FBXL18: variants seen among roughly 807,000 people sequenced by gnomAD.
The protein encoded by FBXL18 is F-box and leucine rich repeat protein 18, also known as F-box/LRR-repeat protein 18.
FBXL18 carries 36 observed loss-of-function variants against 46.0 expected under a neutral mutation model. The observed-to-expected ratio is 0.78, with a 90% CI of 0.60 to 1.03. The LOEUF is 1.03. Among genes scored for constraint, FBXL18 ranks in the 50% least tolerant of loss-of-function variants. FBXL18 has a pLI of 0.00. For missense variants in FBXL18, 977 were observed against 1,004.1 expected (o/e 0.97, Z 0.36); for synonymous variants, 557 against 465.3 (o/e 1.20, Z -2.54).
At chr7:5,497,390 G>A (rs1050427769) in intron 3 of FBXL18, among the ~76,000 whole-genome samples, 1 of 152,160 alleles carries the variant, frequency 6.6e-6, no homozygotes, top group Non-Finnish European at 1.5e-5. Context: ...GGCTCGAGCT[G>A]AGAATCAAAG....
At chr7:5,472,480 G>GCT, downstream of FBXL18, among the ~76,000 whole-genome samples, 1 of 152,128 alleles carries the variant, frequency 6.6e-6, no homozygotes, top group Non-Finnish European at 1.5e-5. Flanking sequence ...ACGCTGTGAG[G>GCT]AAGCCCAACT....
At chr7:5,463,728 A>ATTTTATTTTTTTTTTTT (rs1783295662) in intron 4 of FBXL18, among the ~76,000 whole-genome samples, 1 of 53,034 alleles carries the variant, frequency 1.9e-5, no homozygotes, top group African/African-American at 8.0e-5. Flanking sequence ...TTATTTATTT[A>ATTTTATTTTTTTTTTTT]TTTTTTTTTT....
Position 5,481,854 on chromosome 7 carries a change from T to C in FBXL18, c.2078A>G (p.Asp693Gly). Residue 693 changes from aspartate (D) to glycine (G), a missense_variant, in exon 5 of 5, where the codon GAC (aspartate) becomes GGC (glycine). Transcript: ENST00000382368. The part of the protein sequence containing the change: ...LHEGLTDVIR[D>G]VPLVHLDEIT... Reference sequence around the variant, plus strand: ...CTCATCCAGGTGCACCAGGGGGACGTCCCGGATGACGTCGGTCAGGCCCTC... The same window carrying C: ...CTCATCCAGGTGCACCAGGGGGACGCCCCGGATGACGTCGGTCAGGCCCTC... The C allele has an allele frequency of 1.2e-6, 2 of 1,613,826 alleles. No individual in the cohort carries two copies. Among genetic ancestry groups the C allele is most frequent in the Non-Finnish European group, 1.7e-6 (2 of 1,179,976 alleles).
At chr7:5,482,227 G>A (rs546243133) in intron 4 of FBXL18, among the ~76,000 whole-genome samples, 8 of 152,330 alleles carry the variant, frequency 5.3e-5, no homozygotes, top group East Asian at 3.9e-4. Context: ...GGCCAACCCT[G>A]CTCTGCAGAC....
rs1371561814 is a variant in FBXL18 at position 5,491,248 on chromosome 7, C to A, written c.1983G>T (p.Gln661His). 1.2e-6 allele frequency: 2 copies of A among 1,612,626 alleles called. No individual in the cohort carries two copies. The highest frequency in any genetic ancestry group is 1.7e-6 in the Non-Finnish European group (2 of 1,179,530). ...TCACTCACCTGCGGAGAAGCGACTGCTGCAGGCTCTTGCAGGTGGCGAGGG... is the reference window on the plus strand; with the variant it reads ...TCACTCACCTGCGGAGAAGCGACTGATGCAGGCTCTTGCAGGTGGCGAGGG... ...GESLATCKSL[Q>H]QSLLRSFQAE... is the part of the protein sequence containing the mutation. Residue 661 changes from glutamine (Q) to histidine (H), a missense_variant, in exon 4 of 5, where the codon CAG becomes CAT. Physicochemically the swap from Gln to His is conservative, Grantham distance 24. Transcript: ENST00000382368.
chr7:5,468,181 C>T (rs1189857947), intron 4 of FBXL18, among the ~76,000 whole-genome samples: 1 of 152,114 alleles, frequency 6.6e-6, no homozygotes, highest in Non-Finnish European at 1.5e-5. Context: ...GACGGGGTTT[C>T]ACCGTGTTAG....
chr7:5,455,389 G>A lies in FBXL18; in HGVS notation c.2001-7546C>T, dbSNP rs1783157136. 6.6e-6 allele frequency among the ~76,000 whole-genome samples: 1 copy of A among 152,062 alleles called. No individual in the cohort carries two copies. The highest frequency in any genetic ancestry group is 2.1e-4 in the South Asian group (1 of 4,830). Reference sequence around the variant, plus strand: ...ATACTTGGGGAGCACCCTCAGGGAAGTACTCTAGGGAGTACTCTTGGGGAG... The same window carrying A: ...ATACTTGGGGAGCACCCTCAGGGAAATACTCTAGGGAGTACTCTTGGGGAG... On this transcript the variant is annotated intron_variant and NMD_transcript_variant, in intron 4 of 6. Coordinates refer to the FBXL18 transcript ENST00000415009. This position sits in a 1 kb window ranked among gnomAD's most constrained non-coding sequence, Gnocchi z 4.6.
intron 4 of FBXL18, among the ~76,000 whole-genome samples, chr7:5,463,275 AT>A (rs2128231115): frequency 6.6e-6 from 1 of 151,784 alleles, no homozygotes; most frequent in Non-Finnish European, 1.5e-5. Context: ...TGACTTAGCA[AT>A]TTTACTTCTA....
intron 2 of FBXL18, among the ~76,000 whole-genome samples, chr7:5,502,849 C>T (rs1389120340): frequency 1.4e-5 from 2 of 140,184 alleles, no homozygotes; most frequent in Admixed American, 7.1e-5. Context: ...AAAAAAAAAA[C>T]GGTTTGGTGG....
intron 4 of FBXL18, among the ~76,000 whole-genome samples, chr7:5,463,376 T>C (rs995190962): frequency 6.6e-6 from 1 of 151,926 alleles, no homozygotes; most frequent in Non-Finnish European, 1.5e-5. Context: ...TTCCAGCGCC[T>C]TGGGAGGTCA....
At chr7:5,511,305 G>A (rs777260716) in intron 1 of FBXL18, among the ~76,000 whole-genome samples, 4 of 151,354 alleles carry the variant, frequency 2.6e-5, no homozygotes, top group African/African-American at 4.9e-5. Context: ...GGGGCCGGGC[G>A]CAGTGGCTCA....
At chr7:5,512,866 C>G (rs769433156) in intron 1 of FBXL18, among the ~76,000 whole-genome samples, 14 of 152,150 alleles carry the variant, frequency 9.2e-5, no homozygotes, top group Non-Finnish European at 1.8e-4. Flanking sequence ...TCCAGAGACC[C>G]TGCCCCATCA....
chr7:5,487,375 G>C (rs1473965482), intron 4 of FBXL18, among the ~76,000 whole-genome samples: 1 of 152,236 alleles, frequency 6.6e-6, no homozygotes, highest in Non-Finnish European at 1.5e-5. Context: ...AGCCCTGGGG[G>C]AATCCAGCTT....
At chr7:5,466,119 T>C (rs1180229395) in intron 4 of FBXL18, among the ~76,000 whole-genome samples, 1 of 148,856 alleles carries the variant, frequency 6.7e-6, no homozygotes, top group African/African-American at 2.5e-5. Context: ...CACCTGGCCC[T>C]CCTGAATCTA....
At chr7:5,511,990 C>T (rs1160539588) in intron 1 of FBXL18, among the ~76,000 whole-genome samples, 1 of 151,284 alleles carries the variant, frequency 6.6e-6, no homozygotes, top group Non-Finnish European at 1.5e-5. Context: ...AATCTCAGCA[C>T]TTTGGGAGGC....
chr7:5,501,609 G>GCC lies in FBXL18; in HGVS notation c.658_659dup (p.Gln221AlafsTer83), dbSNP rs1417786252. 1 of 1,613,810 alleles carries GCC rather than the reference G, an allele frequency of 6.2e-7. No individual in the cohort carries two copies. Among genetic ancestry groups the GCC allele is most frequent in the Non-Finnish European group, 8.5e-7 (1 of 1,179,992 alleles). ...TCTGGTAGTGCGGCACGTTGCTCTG[G>GCC]CCCACCATAAGCTGGCCCGAGAGGA... On this transcript the variant is annotated frameshift_variant, in exon 3 of 5. Transcript: ENST00000382368. LOFTEE classifies it high-confidence loss of function.
chr7:5,464,760 T>TAA (rs11440747), intron 4 of FBXL18, among the ~76,000 whole-genome samples: 190 of 133,746 alleles, frequency 1.4e-3, no homozygotes, highest in Middle Eastern at 0.011. Flanking sequence ...GTTTGGATAT[T>TAA]AAAAAAAAAA....
At chr7:5,473,853 A>T (rs931068582), downstream of FBXL18, among the ~76,000 whole-genome samples, 1 of 151,534 alleles carries the variant, frequency 6.6e-6, no homozygotes, top group African/African-American at 2.4e-5. Flanking sequence ...GGAGGGTAAT[A>T]GTGCGGCCTT....
downstream of FBXL18, among the ~76,000 whole-genome samples, chr7:5,473,033 C>T (rs1022870874): frequency 2.2e-4 from 34 of 152,220 alleles, no homozygotes; most frequent in African/African-American, 7.0e-4. Context: ...CCATTGGCGT[C>T]GGCAGCACAG....
Sources: allele counts gnomAD v4.1 joint callset (sites outside exome capture counted in the v4.1 genomes callset), GRCh38; gene constraint gnomAD v4.1.1; non-coding constraint Gnocchi (gnomAD v3.1); transcripts MANE v1.5; gene names NCBI Gene and HGNC (gene_info 2026-07-23, HGNC 2026-07-21).